The following NIN variants were observed in gnomAD, a reference collection of about 807,000 sequenced individuals.
The protein encoded by NIN is glycogen synthase kinase 3 beta-interacting protein.
NIN carries 137 observed loss-of-function variants against 257.6 expected under a neutral mutation model. The observed-to-expected ratio is 0.53, with a 90% confidence interval of 0.46 to 0.61. The LOEUF (loss-of-function observed/expected upper bound fraction) is 0.61, where lower values mean the gene tolerates loss of function less well. Among genes scored for constraint, NIN ranks in the 20% least tolerant of loss-of-function variants. NIN has a pLI of 0.00. For synonymous variants in NIN, 918 were observed against 919.8 expected, an observed-to-expected ratio of 1.00 and a Z score of 0.04; for missense variants, 2,439 against 2,501.2, an observed-to-expected ratio of 0.98 and a Z score of 0.53.
rs1403104363 is a variant in NIN at position 50,761,839 on chromosome 14, T to C, written c.1847A>G (p.Glu616Gly). Residue 616 changes from glutamate to glycine, a missense_variant, in exon 16 of 31, where the codon GAA becomes GGA. Around this residue, in one of 3 missense-constraint regions of NIN, gnomAD observed 2,043 missense variants for 2,050.2 expected, o/e 1.00. Transcript: ENST00000530997. The part of the protein sequence containing the change: ...EAELVIEQMK[E>G]QHHRDICCLR... The stretch of plus-strand genomic sequence containing the variant: ...GCAACATATGTCCCTGTGATGTTGT[T>C]CTTTCATCTGTTCAATGACCAGCTC... 2 of 1,614,208 alleles carry C rather than the reference T, an allele frequency of 1.2e-6. No homozygotes were observed.
intron 29 of NIN, among the ~76,000 whole-genome samples, chr14:50,728,055 T>C (rs185266517): frequency 0.015 from 1,319 of 86,316 alleles, 20 homozygotes; most frequent in African/African-American, 0.056. Context: ...GGTTGGAGGA[T>C]TTTTTTTTTC....
intron 29 of NIN, chr14:50,727,854 A>G: frequency 1.1e-6 from 1 of 895,796 alleles, no homozygotes; most frequent in Non-Finnish European, 1.7e-6. Flanking sequence ...TTTTAAAAGC[A>G]CACACATTAA....
intron 5 of NIN, 45 bp downstream of exon 5, chr14:50,792,667 C>A (rs1328453693): frequency 6.2e-7 from 1 of 1,609,044 alleles, no homozygotes; most frequent in Non-Finnish European, 8.5e-7. Context: ...TGACGTGGGG[C>A]TCCACACTCA....
rs776859806 is a variant in NIN at position 50,721,438 on chromosome 14, ATAT to A, written c.*2022_*2024del. ...CATGCTAAGGCCAGCTATCTGGGAA[ATAT>A]TATTGTTCAGTTCCAACAGCAATAA... is the stretch of plus-strand genomic sequence containing the variant. On this transcript the variant is annotated 3_prime_UTR_variant, in exon 31 of 31. Coordinates refer to ENST00000530997, the MANE Select transcript of NIN (RefSeq NM_020921.4). The A allele has an allele frequency of 3.4e-4, 74 of 216,960 alleles. No homozygotes were observed. Among genetic ancestry groups the A allele is most frequent in the African/African-American group, 1.3e-3 (57 of 44,588 alleles). The allele number at this position is 216,960 out of a possible 1,614,324, so 13.4% of individuals were successfully genotyped here. A position where few individuals can be genotyped will look rare whatever the true frequency, so the allele number is the denominator to read the frequency against.
chr14:50,795,714 T>TATTGACATC (rs746073905), intron 4 of NIN, among the ~76,000 whole-genome samples: 10 of 152,334 alleles, frequency 6.6e-5, no homozygotes, highest in South Asian at 2.1e-4. Flanking sequence ...GAAACGAAAT[T>TATTGACATC]ATTGACATCA....
chr14:50,744,895 C>T (rs935883824), intron 22 of NIN, among the ~76,000 whole-genome samples: 15 of 152,136 alleles, frequency 9.9e-5, no homozygotes, highest in African/African-American at 3.6e-4. Flanking sequence ...GATGACTGCA[C>T]TCCAGGCTGG....
Position 50,721,831 on chromosome 14 carries a change from T to C in NIN, c.*1632A>G. 4.5e-6 allele frequency: 1 copy of C among 224,056 alleles called. No individual in the cohort carries two copies. The highest frequency in any genetic ancestry group is 6.4e-5 in the East Asian group (1 of 15,630). The allele number at this position is 224,056 out of a possible 1,614,324, so 13.9% of individuals were successfully genotyped here. On this transcript the variant is annotated 3_prime_UTR_variant, in exon 31 of 31. Transcript: ENST00000530997. ...TTGTCAAGGCTCTTGTAGTGAGGCC[T>C]CCTGGGTTGACCGGTGAGACTCATA...
chr14:50,777,067 A>C lies in NIN; in HGVS notation c.548T>G (p.Ile183Arg). The change falls in exon 7 of 31, where the codon ATA (isoleucine) becomes AGA (arginine). Residue 183 changes from isoleucine to arginine, a missense_variant. Transcript: ENST00000530997. Reference sequence around the variant, plus strand: ...ACAAACTTCTTGCAGTTTCTCTTCTATCCAGTCTTGGGGAGGGGAAGATCC... The same window carrying C: ...ACAAACTTCTTGCAGTTTCTCTTCTCTCCAGTCTTGGGGAGGGGAAGATCC... The part of the protein sequence containing the change: ...QSGSSPPQDW[I>R]EEKLQEVCED... 6.2e-7 allele frequency: 1 copy of C among 1,614,188 alleles called. No individual in the cohort carries two copies.
At position 50,756,496 on chromosome 14, in the gene NIN, G is replaced by A. The variant is rs371413869; in HGVS notation, c.4534C>T (p.Leu1512=). 2 of 1,595,022 alleles carry A rather than the reference G, an allele frequency of 1.3e-6. No individual in the cohort carries two copies. Among genetic ancestry groups the A allele is most frequent in the Non-Finnish European group, 1.7e-6 (2 of 1,171,950 alleles). ...TCTAGAAGGTACATACATTACCTCA[G>A]AAGTTCAACTTTTTGCTGCATCTCA... The part of the protein sequence containing the change: ...CSEMQQKVEL[L]RYESEKLQQE... Residue 1512 remains leucine (L), a synonymous_variant, in exon 18 of 31, where the codon CTG becomes TTG. Coordinates refer to ENST00000530997, the MANE Select transcript of NIN (RefSeq NM_020921.4).
Position 50,758,443 on chromosome 14 carries a change from C to T in NIN, c.2587G>A (p.Asp863Asn). ...EEKSQWEFEKDELTQECAEAQ... is the reference protein window; with the variant it reads ...EEKSQWEFEKNELTQECAEAQ... ...TCCGCACACTCCTGGGTGAGCTCGTCCTTCTCAAATTCCCACTGGGATTTC... is the reference window on the plus strand; with the variant it reads ...TCCGCACACTCCTGGGTGAGCTCGTTCTTCTCAAATTCCCACTGGGATTTC... Residue 863 changes from aspartate to asparagine, a missense_variant, in exon 18 of 31, where the codon GAC (aspartate) becomes AAC (asparagine). Coordinates refer to ENST00000530997, the MANE Select transcript of NIN (RefSeq NM_020921.4). 1 of 1,614,160 alleles carries T rather than the reference C, an allele frequency of 6.2e-7. No homozygotes were observed. The highest frequency in any genetic ancestry group is 8.5e-7 in the Non-Finnish European group (1 of 1,180,012).
intron 22 of NIN, among the ~76,000 whole-genome samples, chr14:50,745,858 A>G (rs138138572): frequency 3.9e-5 from 6 of 152,258 alleles, no homozygotes; most frequent in African/African-American, 1.2e-4. Flanking sequence ...ATGAATCACG[A>G]TATCATACAG....
At position 50,759,724 on chromosome 14, in the gene NIN, C is replaced by T. The variant is rs1362971848; in HGVS notation, c.2399+133G>A. 5.6e-6 allele frequency: 5 copies of T among 895,556 alleles called. No homozygotes were observed. In the Admixed American group the frequency reaches 7.1e-5, roughly 13 times the overall value. The allele number at this position is 895,556 out of a possible 1,614,324, so 55.5% of individuals were successfully genotyped here. ...TAGCCAGGTCTCGATCTCCTGACCTCGTGATCCGCCCACCTCGGCCTCCCA... is the reference window on the plus strand; with the variant it reads ...TAGCCAGGTCTCGATCTCCTGACCTTGTGATCCGCCCACCTCGGCCTCCCA... On this transcript the variant is annotated intron_variant, in intron 17 of 30. Coordinates refer to ENST00000530997, the MANE Select transcript of NIN (RefSeq NM_020921.4).
chr14:50,793,366 ACCATTCCACTCTCTGATCT>A lies in NIN; in HGVS notation c.266-504_266-486del, dbSNP rs571195347. ...CCCTACCTCAGTGATTCCTCTGTTA[ACCATTCCACTCTCTGATCT>A]ATCAGACAAGCAGATGACAAAACAA... On this transcript the variant is annotated intron_variant, in intron 4 of 30. Coordinates refer to ENST00000530997, the MANE Select transcript of NIN (RefSeq NM_020921.4). Among the ~76,000 whole-genome samples the A allele has an allele frequency of 9.4e-4, 143 of 152,112 alleles. 1 individual carries two copies. In the South Asian group the frequency reaches 0.028, roughly 30 times the overall value.
At chr14:50,759,296 C>T (rs2042170134) in intron 17 of NIN, among the ~76,000 whole-genome samples, 1 of 152,162 alleles carries the variant, frequency 6.6e-6, no homozygotes, top group Non-Finnish European at 1.5e-5. Context: ...CCTCTTGAGC[C>T]TTATAAGGTA....
intron 18 of NIN, among the ~76,000 whole-genome samples, chr14:50,755,513 A>G (rs1373020214): frequency 6.6e-6 from 1 of 151,534 alleles, no homozygotes; most frequent in African/African-American, 2.4e-5. Flanking sequence ...CTATGCAATT[A>G]TATTTTACAA....
chr14:50,802,888 T>C (rs2044158726), intron 4 of NIN, among the ~76,000 whole-genome samples: 1 of 152,224 alleles, frequency 6.6e-6, no homozygotes, highest in Non-Finnish European at 1.5e-5. Context: ...TATCTTATAT[T>C]TTAATTTATA....
At chr14:50,725,613 G>T (rs573646254) in intron 30 of NIN, among the ~76,000 whole-genome samples, 41 of 151,988 alleles carry the variant, frequency 2.7e-4, no homozygotes, top group African/African-American at 9.2e-4. Flanking sequence ...GATTCACAGG[G>T]ACCTAAAGCA....
chr14:50,723,853 A>C (rs924152996), intron 30 of NIN, 181 bp from the exon 31 acceptor site: 3 of 582,210 alleles, frequency 5.2e-6, no homozygotes, highest in Non-Finnish European at 9.1e-6. Flanking sequence ...ATTGGAACAA[A>C]TCTACTTTTT....
chr14:50,764,940 T>C (rs2042414852), intron 14 of NIN, among the ~76,000 whole-genome samples: 1 of 151,918 alleles, frequency 6.6e-6, no homozygotes, highest in Non-Finnish European at 1.5e-5. Context: ...ATACCTTCAA[T>C]GGGTAAAACA....
Sources: gnomAD v4.1 joint callset for allele counts (sites outside exome capture counted in the v4.1 genomes callset) on GRCh38, gnomAD v4.1.1 for gene constraint, gnomAD v4.1.1 regional missense constraint, MANE v1.5 for transcripts, NCBI Gene and HGNC (gene_info 2026-07-23, HGNC 2026-07-21) for gene names.